VAV1: variants seen among roughly 807,000 people sequenced by gnomAD.
VAV1 encodes vav guanine nucleotide exchange factor 1.
Under a neutral mutation model 128.1 loss-of-function variants are expected in VAV1, and 33 were observed. The ratio of observed to expected loss-of-function variants is 0.26; its 90% CI spans 0.20 to 0.34. The LOEUF is 0.34. Ranked by LOEUF, VAV1 falls within the 10% of genes least tolerant of loss-of-function variation. The probability of loss-of-function intolerance (pLI) is 1.00; values close to 1 mark genes in which losing one functional copy is unlikely to be tolerated. For synonymous variants in VAV1, 394 were observed against 409.8 expected, an observed-to-expected ratio of 0.96 and a Z score of 0.47; for missense variants, 715 against 1,093.7, an observed-to-expected ratio of 0.65 and a Z score of 4.88.
intron 1 of VAV1, among the ~76,000 whole-genome samples, chr19:6,811,782 T>C (rs1430351325): frequency 6.6e-6 from 1 of 152,164 alleles, no homozygotes; most frequent in African/African-American, 2.4e-5. Flanking sequence ...TTCATTAGGA[T>C]AACACCAGCT....
Position 6,857,073 on chromosome 19 carries a change from A to G in VAV1, c.2504A>G (p.Asn835Ser). The G allele has an allele frequency of 1.9e-6, 3 of 1,614,140 alleles. No homozygotes were observed. Among genetic ancestry groups the G allele is most frequent in the Non-Finnish European group, 2.5e-6 (3 of 1,180,020 alleles). The change falls in exon 27 of 27, where the codon AAC becomes AGC. Residue 835 changes from asparagine to serine, a missense_variant. Physicochemically the swap from Asn to Ser is conservative, Grantham distance 46. Coordinates refer to ENST00000602142, the MANE Select transcript of VAV1 (RefSeq NM_005428.4). ...IYGRVGWFPA[N>S]YVEEDYSEYC is the part of the protein sequence containing the mutation. ...TTCCAGGTTGGCTGGTTCCCTGCCA[A>G]CTACGTGGAGGAAGATTATTCTGAA...
In VAV1 at chr19:6,850,720, A is replaced by C. The variant is rs1599683422; in HGVS notation, c.2180A>C (p.Tyr727Ser). 4 of 1,614,128 alleles carry C rather than the reference A, an allele frequency of 2.5e-6. No individual in the cohort carries two copies. The highest frequency in any genetic ancestry group is 3.4e-6 in the Non-Finnish European group (4 of 1,180,018). Residue 727 changes from tyrosine to serine, a missense_variant, in exon 24 of 27, where the codon TAC becomes TCC. Physicochemically the swap from Tyr to Ser is moderately radical, Grantham distance 144. Around this residue, in one of 3 missense-constraint regions of VAV1, gnomAD observed 407 missense variants for 580.6 expected, o/e 0.70. Transcript: ENST00000602142. Reference sequence around the variant, plus strand: ...AAAATCATGACAGCAGAAGGACTGTACCGGATCACAGAGAAAAAGGCTTTC... The same window carrying C: ...AAAATCATGACAGCAGAAGGACTGTCCCGGATCACAGAGAAAAAGGCTTTC... ...HIKIMTAEGL[Y>S]RITEKKAFRG...
At position 6,826,734 on chromosome 19, in the gene VAV1, G is replaced by A; in HGVS notation, c.927+23G>A. Reference sequence around the variant, plus strand: ...GAGGTGGGCGCCGGGCCACTTCTCGGGGGCCTCTCCCGCTCCTCCCCAGGC... The same window carrying A: ...GAGGTGGGCGCCGGGCCACTTCTCGAGGGCCTCTCCCGCTCCTCCCCAGGC... On this transcript the variant is annotated intron_variant, in intron 9 of 26. Transcript: ENST00000602142. The surrounding 1 kb of genome is among the most constrained non-coding windows in gnomAD (Gnocchi z 4.1). The A allele has an allele frequency of 3.3e-6, 5 of 1,531,224 alleles. No individual in the cohort carries two copies. Among genetic ancestry groups the A allele is most frequent in the Non-Finnish European group, 4.4e-6 (5 of 1,139,948 alleles). 94.9% of individuals were successfully genotyped at this position (1,531,224 alleles called of 1,614,324 possible).
At chr19:6,779,568 G>A (rs754071795) in intron 1 of VAV1, among the ~76,000 whole-genome samples, 36 of 150,692 alleles carry the variant, frequency 2.4e-4, no homozygotes, top group South Asian at 6.4e-4. Context: ...GTCTAAACCA[G>A]GGAGGGGCCT....
rs1971821874 is a variant in VAV1, at chr19:6,822,616, T to C, written c.654+102T>C. 3.0e-6 allele frequency: 3 copies of C among 996,874 alleles called. No homozygotes were observed. Among genetic ancestry groups the C allele is most frequent in the Admixed American group, 5.2e-5 (2 of 38,688 alleles). 61.8% of individuals were successfully genotyped at this position (996,874 alleles called of 1,614,324 possible). On this transcript the variant is annotated intron_variant, in intron 6 of 26. Coordinates refer to ENST00000602142, the MANE Select transcript of VAV1 (RefSeq NM_005428.4). This position sits in a 1 kb window ranked among gnomAD's most constrained non-coding sequence, Gnocchi z 5.9. ...CCGCTCTGGGCAGCTGAGGATTTCC[T>C]GCTCCCATCGCTTTTCCTTTCTGTG... is the stretch of plus-strand genomic sequence containing the variant.
intron 21 of VAV1, among the ~76,000 whole-genome samples, chr19:6,838,307 C>G (rs900035976): frequency 2.7e-5 from 4 of 148,478 alleles, no homozygotes; most frequent in Non-Finnish European, 4.5e-5. Flanking sequence ...ATCTATCTAT[C>G]TATCTATCTA....
intron 25 of VAV1, 88 bp downstream of exon 25, chr19:6,853,167 A>G (rs1056474755): frequency 9.4e-6 from 11 of 1,166,658 alleles, no homozygotes; most frequent in South Asian, 9.2e-5. Context: ...ACCCCTTCCA[A>G]TGGCCTTGCA....
rs543558208 is a variant in VAV1 at position 6,822,899 on chromosome 19, A to G, written c.654+385A>G. 2.3e-3 allele frequency among the ~76,000 whole-genome samples: 340 copies of G among 147,272 alleles called. 1 individual carries two copies. Among genetic ancestry groups the G allele is most frequent in the African/African-American group, 7.7e-3 (315 of 40,772 alleles). ...ATAATATGTATAAAATATAAACATG[A>G]TATATGATATTTATAAGATATAAAA... On this transcript the variant is annotated intron_variant, in intron 6 of 26. Transcript: ENST00000602142. The surrounding 1 kb of genome is among the most constrained non-coding windows in gnomAD (Gnocchi z 5.9).
chr19:6,853,813 G>T (rs562375740), intron 25 of VAV1, 134 bp from the exon 26 acceptor site: 26 of 1,084,420 alleles, frequency 2.4e-5, no homozygotes, highest in Non-Finnish European at 3.3e-5. Flanking sequence ...ACAGTACAGG[G>T]CATCTAATAC....
intron 21 of VAV1, among the ~76,000 whole-genome samples, chr19:6,837,455 CT>C (rs973297649): frequency 7.9e-5 from 12 of 152,030 alleles, no homozygotes; most frequent in African/African-American, 2.4e-4. Flanking sequence ...CTCTGCTGTT[CT>C]TCCAGTGTTC....
At chr19:6,783,026 A>G (rs1319229931) in intron 1 of VAV1, among the ~76,000 whole-genome samples, 5 of 152,058 alleles carry the variant, frequency 3.3e-5, no homozygotes, top group Non-Finnish European at 7.4e-5. Context: ...CTAAAAATAC[A>G]TAAATTAGCC....
chr19:6,820,996 C>T lies in VAV1; in HGVS notation c.321+178C>T, dbSNP rs1349012083. Among the ~76,000 whole-genome samples, 1 of 152,214 alleles carries T rather than the reference C, an allele frequency of 6.6e-6. No individual in the cohort carries two copies. Among genetic ancestry groups the T allele is most frequent in the African/African-American group, 2.4e-5 (1 of 41,452 alleles). On this transcript the variant is annotated intron_variant, in intron 2 of 26. Transcript: ENST00000602142. The surrounding 1 kb of genome is among the most constrained non-coding windows in gnomAD (Gnocchi z 4.4). ...CTGGGTTTGAGTTCCTGCTCTGACACTTGCTGTGTGACCTTGGATACGTGG... is the reference window on the plus strand; with the variant it reads ...CTGGGTTTGAGTTCCTGCTCTGACATTTGCTGTGTGACCTTGGATACGTGG...
chr19:6,832,239 G>C lies in VAV1; in HGVS notation c.1508+39G>C, dbSNP rs546802692. ...TTCCTCCCTCTTTCTGTCCACAGAG[G>C]GGCAGGGGCTGGGAAGGAGGAACGT... On this transcript the variant is annotated intron_variant, in intron 15 of 26. Coordinates refer to ENST00000602142, the MANE Select transcript of VAV1 (RefSeq NM_005428.4). 43 of 1,602,344 alleles carry C rather than the reference G, an allele frequency of 2.7e-5. No homozygotes were observed. In the South Asian group the frequency reaches 4.1e-4, roughly 15 times the overall value.
intron 26 of VAV1, among the ~76,000 whole-genome samples, chr19:6,856,551 G>T (rs1006031469): frequency 1.3e-5 from 2 of 151,274 alleles, no homozygotes; most frequent in Non-Finnish European, 2.9e-5. Flanking sequence ...GTGAAACCCC[G>T]TCTCTACTAA....
At chr19:6,783,184 A>T (rs1286181428) in intron 1 of VAV1, among the ~76,000 whole-genome samples, 1 of 152,224 alleles carries the variant, frequency 6.6e-6, no homozygotes, top group Non-Finnish European at 1.5e-5. Flanking sequence ...GTCTCAAAAA[A>T]AACAAAAACA....
At chr19:6,818,569 C>G (rs1599651589) in intron 1 of VAV1, among the ~76,000 whole-genome samples, 1 of 152,244 alleles carries the variant, frequency 6.6e-6, no homozygotes, top group South Asian at 2.1e-4. Flanking sequence ...TGTGTCCCCC[C>G]AAAATTTATA....
intron 1 of VAV1, among the ~76,000 whole-genome samples, chr19:6,796,895 T>C (rs908628137): frequency 6.6e-6 from 1 of 152,184 alleles, no homozygotes; most frequent in Non-Finnish European, 1.5e-5. Flanking sequence ...CATAGCTGTA[T>C]CTCCAGCACC....
chr19:6,852,587 G>A (rs1267113673), intron 24 of VAV1, among the ~76,000 whole-genome samples: 1 of 151,700 alleles, frequency 6.6e-6, no homozygotes, highest in Non-Finnish European at 1.5e-5. Flanking sequence ...TGGGCGTAGT[G>A]GCGGGCGCCT....
chr19:6,838,791 G>A (rs1000206526), intron 21 of VAV1, among the ~76,000 whole-genome samples: 3 of 152,192 alleles, frequency 2.0e-5, no homozygotes, highest in Non-Finnish European at 4.4e-5. Context: ...GTGCAATGGT[G>A]TGATTTAACT....
Sources: allele counts gnomAD v4.1 joint callset (sites outside exome capture counted in the v4.1 genomes callset), GRCh38; gene constraint gnomAD v4.1.1; regional missense constraint gnomAD v4.1.1; non-coding constraint Gnocchi (gnomAD v3.1); transcripts MANE v1.5; gene names NCBI Gene and HGNC (gene_info 2026-07-23, HGNC 2026-07-21).